Variants in LMF1 observed in about 807,000 individuals in gnomAD.
The protein encoded by LMF1 is transmembrane protein 112.
LMF1 carries 68 observed loss-of-function variants against 60.6 expected under a neutral mutation model. The ratio of observed to expected loss-of-function variants is 1.12; its 90% confidence interval spans 0.92 to 1.37. The LOEUF is 1.37. LMF1 is among the 40% of genes most tolerant of loss of function. LMF1 has a pLI of 0.00. For synonymous variants in LMF1, 418 were observed against 324.7 expected (o/e 1.29, Z -3.09); for missense variants, 948 against 767.2 (o/e 1.24, Z -2.78).
At chr16:859,040 A>G (rs866415433) in intron 10 of LMF1, among the ~76,000 whole-genome samples, 2,754 of 7,700 alleles carry the variant, frequency 0.36, 182 homozygotes, top group Admixed American at 0.4. Flanking sequence ...GGTGTGAGTG[A>G]TGTCACGGGA....
rs866440901 is a variant in LMF1, at chr16:955,168, A to G, written c.194-502T>C. ...TAAAATGCGTGCCTGCAGCAGACGC[A>G]GTGTGTGCATACACACACACACATC... On this transcript the variant is annotated intron_variant, in intron 1 of 10. Transcript: ENST00000262301. Among the ~76,000 whole-genome samples the G allele has an allele frequency of 4.8e-3, 445 of 93,296 alleles. 16 individuals are homozygous for G. Among genetic ancestry groups the G allele is most frequent in the Middle Eastern group, 7.0e-3 (1 of 142 alleles). 61.2% of individuals were successfully genotyped at this position (93,296 alleles called of 152,430 possible).
chr16:936,698 T>C (rs2071957774), intron 2 of LMF1, among the ~76,000 whole-genome samples: 1 of 152,250 alleles, frequency 6.6e-6, no homozygotes, highest in South Asian at 2.1e-4. Flanking sequence ...CTGTACACAT[T>C]GGCTAATGCT....
chr16:973,399 C>G (rs958841991), upstream of LMF1, among the ~76,000 whole-genome samples: 2 of 152,202 alleles, frequency 1.3e-5, no homozygotes, highest in African/African-American at 2.4e-5. Flanking sequence ...TGCTACAACA[C>G]AGATGAACCT....
intron 1 of LMF1, among the ~76,000 whole-genome samples, chr16:960,104 A>C (rs2072792852): frequency 6.6e-6 from 1 of 152,196 alleles, no homozygotes; most frequent in Non-Finnish European, 1.5e-5. Context: ...CCCAGACTGA[A>C]GTTTCTATGC....
At chr16:862,149 G>C (rs1402636570) in intron 10 of LMF1, among the ~76,000 whole-genome samples, 1 of 151,176 alleles carries the variant, frequency 6.6e-6, no homozygotes, top group Non-Finnish European at 1.5e-5. Context: ...AGAATTCTTT[G>C]TTATATATTG....
chr16:859,280 T>C (rs62641039), intron 10 of LMF1, among the ~76,000 whole-genome samples: 88 of 9,170 alleles, frequency 9.6e-3, no homozygotes, highest in Non-Finnish European at 0.012. Context: ...GAGTGGTGTC[T>C]CGGGACGGGT....
At chr16:981,255 C>T (rs75895009) in exon 1 of LMF1, 7,144 of 449,154 alleles carry the variant, frequency 0.016, 206 homozygotes, top group African/African-American at 0.086. Flanking sequence ...CACCGGCCTG[C>T]GGGCGAGACC....
At chr16:964,599 A>G (rs2072886094) in intron 1 of LMF1, among the ~76,000 whole-genome samples, 1 of 152,240 alleles carries the variant, frequency 6.6e-6, no homozygotes, top group Admixed American at 6.5e-5. Flanking sequence ...GCCCGGAGAA[A>G]AGAAAAAGAA....
chr16:978,244 G>A (rs991762716), intron 1 of LMF1, among the ~76,000 whole-genome samples: 1 of 144,586 alleles, frequency 6.9e-6, no homozygotes, highest in South Asian at 2.2e-4. Flanking sequence ...CACACCATAC[G>A]CACTATACAC....
intron 2 of LMF1, among the ~76,000 whole-genome samples, chr16:939,617 C>T (rs918835974): frequency 3.3e-5 from 5 of 152,360 alleles, no homozygotes; most frequent in East Asian, 3.9e-4. Flanking sequence ...TGCGGCGACC[C>T]GGCCCACTCT....
intron 4 of LMF1, among the ~76,000 whole-genome samples, chr16:908,066 C>T (rs892897275): frequency 1.3e-5 from 2 of 152,164 alleles, no homozygotes; most frequent in African/African-American, 4.8e-5. Flanking sequence ...TTCGGCCTGA[C>T]AGCGCTTCCC....
intron 9 of LMF1, chr16:869,608 A>C (rs1266743015): frequency 3.1e-6 from 2 of 654,414 alleles, no homozygotes; most frequent in Non-Finnish European, 5.7e-6. Flanking sequence ...TCGTAGATAC[A>C]GGGTCTCGCT....
chr16:923,385 G>A (rs2071498792), intron 3 of LMF1, among the ~76,000 whole-genome samples: 1 of 152,144 alleles, frequency 6.6e-6, no homozygotes, highest in African/African-American at 2.4e-5. Flanking sequence ...CGGCTGAGGG[G>A]CTGAGAAGCT....
chr16:969,487 G>C (rs886901510), intron 1 of LMF1, among the ~76,000 whole-genome samples: 1 of 152,124 alleles, frequency 6.6e-6, no homozygotes, highest in Non-Finnish European at 1.5e-5. Flanking sequence ...ACAAAACGTC[G>C]AACTGAGCAT....
chr16:910,146 T>C (rs1357252415), intron 4 of LMF1, among the ~76,000 whole-genome samples: 1 of 152,134 alleles, frequency 6.6e-6, no homozygotes, highest in African/African-American at 2.4e-5. Flanking sequence ...GTGGCAGACG[T>C]CAAAAGGACC....
At chr16:908,476 G>A (rs537611079) in intron 4 of LMF1, among the ~76,000 whole-genome samples, 4 of 151,468 alleles carry the variant, frequency 2.6e-5, no homozygotes, top group East Asian at 3.9e-4. Context: ...TTTCCCTCCC[G>A]CTGTGCCATG....
At chr16:924,777 G>T (rs888820641) in intron 3 of LMF1, among the ~76,000 whole-genome samples, 4 of 152,210 alleles carry the variant, frequency 2.6e-5, no homozygotes. Context: ...AACTACAAGA[G>T]GCAAAAACGA....
intron 2 of LMF1, among the ~76,000 whole-genome samples, chr16:945,967 GT>G (rs916166326): frequency 3.3e-5 from 5 of 152,206 alleles, no homozygotes; most frequent in African/African-American, 1.2e-4. Context: ...TGCCTGAAAT[GT>G]TTCTCTTGTT....
chr16:934,013 C>T (rs761024512), intron 3 of LMF1: 35 of 1,490,394 alleles, frequency 2.3e-5, no homozygotes, highest in East Asian at 1.0e-4. Context: ...GACAATCATG[C>T]GTGCGACCAT....
Sources: gnomAD v4.1 joint callset for allele counts (sites outside exome capture counted in the v4.1 genomes callset) on GRCh38, gnomAD v4.1.1 for gene constraint, MANE v1.5 for transcripts, NCBI Gene and HGNC (gene_info 2026-07-23, HGNC 2026-07-21) for gene names.